Variants in SPATS2 observed in about 807,000 individuals in gnomAD.
SPATS2 encodes spermatogenesis associated serine rich 2.
A neutral mutation model predicts 63.7 loss-of-function variants in SPATS2; 38 were observed. The observed-to-expected ratio is 0.60, with a 90% confidence interval of 0.46 to 0.78. The LOEUF (loss-of-function observed/expected upper bound fraction) is 0.78. Ranked by LOEUF, SPATS2 falls within the 30% of genes least tolerant of loss-of-function variation. The pLI, the probability that SPATS2 is intolerant of heterozygous loss-of-function variation, is 0.00. For missense variants in SPATS2, 588 were observed against 666.2 expected (o/e 0.88, Z 1.29); for synonymous variants, 207 against 232.9 (o/e 0.89, Z 1.01).
intron 2 of SPATS2, among the ~76,000 whole-genome samples, chr12:49,385,233 C>T (rs563460666): frequency 2.3e-4 from 34 of 149,468 alleles, no homozygotes; most frequent in African/African-American, 8.2e-4. Context: ...AGATATTAAG[C>T]GAAGGAGTGA....
chr12:49,508,459 C>T (rs1249082862), intron 9 of SPATS2, among the ~76,000 whole-genome samples: 3 of 152,190 alleles, frequency 2.0e-5, no homozygotes, highest in African/African-American at 7.2e-5. Context: ...CCGCCTGATC[C>T]GCCTGCCTTG....
At chr12:49,492,165 A>G (rs1482805264) in intron 6 of SPATS2, among the ~76,000 whole-genome samples, 2 of 151,844 alleles carry the variant, frequency 1.3e-5, no homozygotes, top group African/African-American at 4.8e-5. Context: ...TCAACCTGTT[A>G]CATAGATAAC....
At chr12:49,416,539 G>A (rs1356063275) in intron 2 of SPATS2, among the ~76,000 whole-genome samples, 1 of 151,966 alleles carries the variant, frequency 6.6e-6, no homozygotes, top group Non-Finnish European at 1.5e-5. Flanking sequence ...CCAGGCTGGA[G>A]TGCAGTGGCT....
intron 9 of SPATS2, 111 bp downstream of exon 9, chr12:49,500,316 G>C: frequency 8.2e-7 from 1 of 1,214,730 alleles, no homozygotes; most frequent in Non-Finnish European, 1.1e-6. Context: ...CATAGTAGGA[G>C]AGACTTATAA....
intron 2 of SPATS2, among the ~76,000 whole-genome samples, chr12:49,403,663 T>C (rs1944647715): frequency 6.6e-6 from 1 of 151,216 alleles, no homozygotes; most frequent in East Asian, 1.9e-4. Context: ...AATTCTCTGT[T>C]ATGGCTTATT....
intron 2 of SPATS2, among the ~76,000 whole-genome samples, chr12:49,455,089 G>A (rs920479811): frequency 2.0e-5 from 3 of 151,864 alleles, no homozygotes; most frequent in Non-Finnish European, 4.4e-5. Context: ...ACCGTTTTTG[G>A]TTTTGTTTTT....
At chr12:49,375,840 G>T (rs1353345380) in intron 2 of SPATS2, among the ~76,000 whole-genome samples, 3 of 152,158 alleles carry the variant, frequency 2.0e-5, no homozygotes, top group African/African-American at 7.2e-5. Context: ...ACAGGGTCTT[G>T]CTCTGTCTCC....
At position 49,402,320 on chromosome 12, in the gene SPATS2, G is replaced by T. The variant is rs1194291868; in HGVS notation, c.-244+31030G>T. 2.6e-5 allele frequency among the ~76,000 whole-genome samples: 4 copies of T among 152,322 alleles called. No homozygotes were observed. In the East Asian group the frequency reaches 7.7e-4, roughly 29 times the overall value. On this transcript the variant is annotated intron_variant, in intron 2 of 13. Transcript: ENST00000552918. Reference sequence around the variant, plus strand: ...GATTATAATGATGGACCTTGAACTTGAAGCTGAGGAGGAAAATGAGGATGT... The same window carrying T: ...GATTATAATGATGGACCTTGAACTTTAAGCTGAGGAGGAAAATGAGGATGT...
At chr12:49,453,853 A>G (rs1945669021) in intron 2 of SPATS2, among the ~76,000 whole-genome samples, 1 of 109,242 alleles carries the variant, frequency 9.2e-6, no homozygotes, top group Non-Finnish European at 1.9e-5. Flanking sequence ...AGCAAATAGC[A>G]TTCTTTTTTT....
intron 9 of SPATS2, among the ~76,000 whole-genome samples, chr12:49,502,667 G>A (rs1049903399): frequency 2.7e-4 from 41 of 152,124 alleles, no homozygotes; most frequent in Non-Finnish European, 5.7e-4. Flanking sequence ...ATATTGCCCA[G>A]GCTGGTCTCC....
intron 2 of SPATS2, among the ~76,000 whole-genome samples, chr12:49,425,353 T>C (rs542269011): frequency 6.6e-6 from 1 of 152,350 alleles, no homozygotes; most frequent in African/African-American, 2.4e-5. Context: ...TGTTTTTCTT[T>C]TCTTTTTTGT....
intron 2 of SPATS2, among the ~76,000 whole-genome samples, chr12:49,390,701 A>T (rs1172050622): frequency 1.3e-5 from 2 of 152,232 alleles, no homozygotes; most frequent in Non-Finnish European, 2.9e-5. Flanking sequence ...GGAATGTGTT[A>T]TATGTACCAT....
intron 9 of SPATS2, among the ~76,000 whole-genome samples, chr12:49,506,114 G>A (rs1338461235): frequency 6.6e-6 from 1 of 152,168 alleles, no homozygotes; most frequent in Non-Finnish European, 1.5e-5. Context: ...TTGCCCAACT[G>A]CAGGCTAATA....
At chr12:49,378,019 C>T (rs1196685554) in intron 2 of SPATS2, among the ~76,000 whole-genome samples, 1 of 152,148 alleles carries the variant, frequency 6.6e-6, no homozygotes, top group Non-Finnish European at 1.5e-5. Context: ...GACACCCAGG[C>T]TGGAGCACAA....
chr12:49,488,752 A>G (rs1487229205), intron 4 of SPATS2, among the ~76,000 whole-genome samples: 1 of 152,158 alleles, frequency 6.6e-6, no homozygotes, highest in African/African-American at 2.4e-5. Context: ...TATATATGAT[A>G]TAATATTTAT....
At chr12:49,407,421 T>G (rs915591449) in intron 2 of SPATS2, among the ~76,000 whole-genome samples, 2 of 152,168 alleles carry the variant, frequency 1.3e-5, no homozygotes, top group Non-Finnish European at 2.9e-5. Flanking sequence ...TGGCTTCAGT[T>G]TACTCCTCTG....
chr12:49,396,250 A>T (rs1347439154), intron 2 of SPATS2, among the ~76,000 whole-genome samples: 1 of 152,198 alleles, frequency 6.6e-6, no homozygotes, highest in African/African-American at 2.4e-5. Context: ...CTTTTGGATA[A>T]ATATCCAGAA....
chr12:49,495,800 T>C (rs1048370439), intron 7 of SPATS2, among the ~76,000 whole-genome samples: 3 of 152,196 alleles, frequency 2.0e-5, no homozygotes, highest in African/African-American at 7.2e-5. Flanking sequence ...GATGATGATG[T>C]TGATATTATT....
At chr12:49,384,892 C>T (rs575232502) in intron 2 of SPATS2, among the ~76,000 whole-genome samples, 2 of 152,080 alleles carry the variant, frequency 1.3e-5, no homozygotes, top group Non-Finnish European at 2.9e-5. Context: ...TCACCGCAAC[C>T]TTCGCTTCCC....
Sources: allele counts gnomAD v4.1 joint callset (sites outside exome capture counted in the v4.1 genomes callset), GRCh38; gene constraint gnomAD v4.1.1; transcripts MANE v1.5; gene names NCBI Gene and HGNC (gene_info 2026-07-23, HGNC 2026-07-21).